The following MPP7 variants were observed in gnomAD, a reference collection of about 807,000 sequenced individuals.
MPP7 encodes MAGUK p55 subfamily member 7.
MPP7 carries 60 observed loss-of-function variants against 76.5 expected under a neutral mutation model. The ratio of observed to expected loss-of-function variants is 0.78; its 90% CI spans 0.64 to 0.97. The LOEUF is 0.97. MPP7 is among the 50% of genes least tolerant of loss of function. MPP7 has a pLI of 0.00. For synonymous variants in MPP7, 237 were observed against 244.5 expected (o/e 0.97, Z 0.29); for missense variants, 641 against 694.0 (o/e 0.92, Z 0.86).
At position 28,288,142 on chromosome 10, in the gene MPP7, A is replaced by T. The variant is rs192098408; in HGVS notation, c.-132+14719T>A. On this transcript the variant is annotated intron_variant, in intron 1 of 16. Coordinates refer to ENST00000683449, the MANE Select transcript of MPP7 (RefSeq NM_001318170.2). ...CCAGACGTTATAGAGAACCGCAAAA[A>T]TGTAAACCACCACCACTCTTTCCCT... Among the ~76,000 whole-genome samples the T allele has an allele frequency of 3.2e-3, 487 of 149,966 alleles. 1 individual carries two copies. The highest frequency in any genetic ancestry group is 7.3e-3 in the Admixed American group (111 of 15,148).
intron 1 of MPP7, among the ~76,000 whole-genome samples, chr10:28,249,884 T>C (rs1206945950): frequency 6.6e-6 from 1 of 152,212 alleles, no homozygotes; most frequent in Non-Finnish European, 1.5e-5. Flanking sequence ...GCCATTGTTT[T>C]AGCCAAGAAT....
At chr10:28,208,929 C>T (rs1442131273) in intron 2 of MPP7, among the ~76,000 whole-genome samples, 2 of 150,296 alleles carry the variant, frequency 1.3e-5, no homozygotes, top group East Asian at 3.9e-4. Context: ...GGGGTGGATC[C>T]CTCATGGCTT....
At chr10:28,098,111 G>A (rs1853653432) in intron 11 of MPP7, among the ~76,000 whole-genome samples, 1 of 151,904 alleles carries the variant, frequency 6.6e-6, no homozygotes, top group Non-Finnish European at 1.5e-5. Context: ...TCATATTATA[G>A]ATAAATATTA....
At chr10:28,300,573 C>T (rs970773405) in intron 1 of MPP7, among the ~76,000 whole-genome samples, 19 of 151,988 alleles carry the variant, frequency 1.3e-4, no homozygotes, top group Non-Finnish European at 2.8e-4. Flanking sequence ...AGAAGAGTTG[C>T]CTTATATGTT....
chr10:28,232,767 G>C (rs1838932557), intron 2 of MPP7, among the ~76,000 whole-genome samples: 1 of 152,054 alleles, frequency 6.6e-6, no homozygotes, highest in Non-Finnish European at 1.5e-5. Context: ...GTCATTAAGG[G>C]GGTTGGGAAG....
chr10:28,143,856 TGTGTGTGTGTGTG>T (rs1835611050), intron 5 of MPP7, among the ~76,000 whole-genome samples: 1 of 536 alleles, frequency 1.9e-3, no homozygotes, highest in African/African-American at 3.4e-3. Context: ...AATCGTGTGC[TGTGTGTGTGTGTG>T]TGTGTGTGTG....
At chr10:28,272,863 A>G (rs942093887) in intron 1 of MPP7, among the ~76,000 whole-genome samples, 5 of 152,178 alleles carry the variant, frequency 3.3e-5, no homozygotes, top group African/African-American at 1.2e-4. Context: ...TCCTATGAAG[A>G]ATAATGATTT....
At chr10:28,109,873 A>AC (rs1834449689) in intron 11 of MPP7, among the ~76,000 whole-genome samples, 1 of 143,170 alleles carries the variant, frequency 7.0e-6, no homozygotes, top group Non-Finnish European at 1.5e-5. Flanking sequence ...AAAAAAAAAA[A>AC]CACTTAAAAC....
At chr10:28,168,098 A>G (rs1319188150) in intron 3 of MPP7, among the ~76,000 whole-genome samples, 1 of 152,044 alleles carries the variant, frequency 6.6e-6, no homozygotes, top group Non-Finnish European at 1.5e-5. Context: ...TTAGTCGGGC[A>G]TGGTGGCGCA....
At chr10:28,301,063 T>A (rs1380026511) in intron 1 of MPP7, among the ~76,000 whole-genome samples, 1 of 152,032 alleles carries the variant, frequency 6.6e-6, no homozygotes, top group African/African-American at 2.4e-5. Context: ...AGCCTTAACA[T>A]CATACAAGCG....
chr10:28,210,936 C>T (rs1202317461), intron 2 of MPP7, among the ~76,000 whole-genome samples: 1 of 152,158 alleles, frequency 6.6e-6, no homozygotes. Flanking sequence ...CCTCTATCCA[C>T]ACTATACTAG....
At chr10:28,180,853 G>T (rs1237891641) in intron 3 of MPP7, among the ~76,000 whole-genome samples, 4 of 152,096 alleles carry the variant, frequency 2.6e-5, no homozygotes, top group African/African-American at 9.7e-5. Context: ...TCTGCCCAGC[G>T]GTGACACACT....
rs980763473 is a variant in MPP7, at chr10:28,205,847, A to G, written c.38-3576T>C. Among the ~76,000 whole-genome samples the G allele has an allele frequency of 2.6e-5, 4 of 152,276 alleles. No individual in the cohort carries two copies. The East Asian group carries it at 7.7e-4, about 29-fold the overall frequency. ...AGCATGTATCAGAAACTTAAACCCC[A>G]ATGCAAGAGCGTTGGGAGGTGGAGG... On this transcript the variant is annotated intron_variant, in intron 2 of 16. Coordinates refer to ENST00000683449, the MANE Select transcript of MPP7 (RefSeq NM_001318170.2).
At chr10:28,173,236 A>G (rs1051664477) in intron 3 of MPP7, among the ~76,000 whole-genome samples, 2 of 151,880 alleles carry the variant, frequency 1.3e-5, no homozygotes, top group Non-Finnish European at 2.9e-5. Context: ...TGAAAAAAAA[A>G]AAAAAGACAA....
chr10:28,058,019 C>T (rs912637309), intron 15 of MPP7, among the ~76,000 whole-genome samples: 2 of 152,160 alleles, frequency 1.3e-5, no homozygotes, highest in African/African-American at 2.4e-5. Context: ...TCATTCAGTA[C>T]ATTTCCTGCA....
intron 1 of MPP7, among the ~76,000 whole-genome samples, chr10:28,261,421 G>T (rs974543699): frequency 6.6e-6 from 1 of 152,166 alleles, no homozygotes; most frequent in African/African-American, 2.4e-5. Flanking sequence ...AGTCACCATA[G>T]TTCCACTAAG....
At chr10:28,186,382 G>C (rs539389048) in intron 3 of MPP7, among the ~76,000 whole-genome samples, 1 of 150,860 alleles carries the variant, frequency 6.6e-6, no homozygotes, top group Admixed American at 6.6e-5. Flanking sequence ...GAGAGAGAGA[G>C]AAAACAGCCT....
intron 1 of MPP7, among the ~76,000 whole-genome samples, chr10:28,275,043 T>G (rs961703153): frequency 3.9e-5 from 6 of 152,156 alleles, no homozygotes; most frequent in African/African-American, 7.2e-5. Context: ...ATGTCCATAG[T>G]CCAGATTTAG....
intron 2 of MPP7, among the ~76,000 whole-genome samples, chr10:28,218,537 A>T (rs1838389067): frequency 1.3e-5 from 2 of 152,162 alleles, no homozygotes; most frequent in African/African-American, 4.8e-5. Context: ...TAAATAACTG[A>T]CTTTCAAACA....
Sources: allele counts gnomAD v4.1 joint callset (sites outside exome capture counted in the v4.1 genomes callset), GRCh38; gene constraint gnomAD v4.1.1; transcripts MANE v1.5; gene names NCBI Gene and HGNC (gene_info 2026-07-23, HGNC 2026-07-21).